Variants in HECW1 observed in about 807,000 individuals in gnomAD.
The protein encoded by HECW1 is E3 ubiquitin-protein ligase HECW1.
In HECW1, 61 loss-of-function variants were observed where a neutral mutation model predicts 182.3. That is an observed-to-expected ratio of 0.33 (90% CI 0.27 to 0.41). HECW1 has a LOEUF of 0.41. HECW1 is among the 10% of genes least tolerant of loss of function. HECW1 has a pLI of 1.00. For synonymous variants in HECW1, 859 were observed against 832.6 expected, an observed-to-expected ratio of 1.03 and a Z score of -0.55; for missense variants, 1,739 against 2,108.9, an observed-to-expected ratio of 0.82 and a Z score of 3.44.
At chr7:43,376,279 G>A (rs573928686) in intron 6 of HECW1, among the ~76,000 whole-genome samples, 26 of 152,122 alleles carry the variant, frequency 1.7e-4, no homozygotes, top group African/African-American at 4.8e-4. Context: ...AAATGTCACC[G>A]TAATAATCTC....
chr7:43,372,615 T>G (rs2074157548), intron 6 of HECW1, among the ~76,000 whole-genome samples: 1 of 152,174 alleles, frequency 6.6e-6, no homozygotes, highest in Admixed American at 6.5e-5. Flanking sequence ...AGTGGGATTG[T>G]GGCTTTTTGT....
chr7:43,528,265 T>C (rs1242026637), intron 24 of HECW1, among the ~76,000 whole-genome samples: 3 of 152,180 alleles, frequency 2.0e-5, no homozygotes, highest in Non-Finnish European at 2.9e-5. Context: ...TAGAGGTCAA[T>C]GAAAGCATCT....
At chr7:43,141,177 C>T (rs1788113155) in intron 2 of HECW1, among the ~76,000 whole-genome samples, 1 of 152,182 alleles carries the variant, frequency 6.6e-6, no homozygotes. Flanking sequence ...ACTACCCACT[C>T]CTGACTGAAA....
chr7:43,408,845 A>G (rs1466293371), intron 8 of HECW1, among the ~76,000 whole-genome samples: 2 of 152,198 alleles, frequency 1.3e-5, no homozygotes, highest in Non-Finnish European at 2.9e-5. Flanking sequence ...GTACAGTTTT[A>G]CAGTCATAGA....
intron 3 of HECW1, among the ~76,000 whole-genome samples, chr7:43,311,454 G>T (rs930746877): frequency 2.6e-5 from 4 of 152,158 alleles, no homozygotes; most frequent in Non-Finnish European, 5.9e-5. Flanking sequence ...ACACCTTCAG[G>T]GTCATTCTGC....
At chr7:43,227,291 T>G (rs1476352430) in intron 2 of HECW1, among the ~76,000 whole-genome samples, 2 of 152,174 alleles carry the variant, frequency 1.3e-5, no homozygotes, top group Non-Finnish European at 1.5e-5. Context: ...ATGGTCATTT[T>G]TTTTTAGGGG....
intron 5 of HECW1, among the ~76,000 whole-genome samples, chr7:43,321,576 C>A (rs982759610): frequency 6.6e-6 from 1 of 152,166 alleles, no homozygotes; most frequent in Non-Finnish European, 1.5e-5. Context: ...ATTTCATGGA[C>A]AAACTTCTTC....
intron 8 of HECW1, among the ~76,000 whole-genome samples, chr7:43,415,572 G>T (rs1420128498): frequency 1.3e-5 from 2 of 151,728 alleles, no homozygotes; most frequent in African/African-American, 4.8e-5. Flanking sequence ...CTGAACATTG[G>T]CCTGCCTTGC....
intron 10 of HECW1, among the ~76,000 whole-genome samples, chr7:43,442,954 T>C (rs890327162): frequency 6.6e-6 from 1 of 152,204 alleles, no homozygotes; most frequent in African/African-American, 2.4e-5. Context: ...AATCATCACA[T>C]ACATGAATGA....
chr7:43,494,651 G>A (rs566014538), intron 19 of HECW1, among the ~76,000 whole-genome samples: 7 of 152,132 alleles, frequency 4.6e-5, no homozygotes, highest in African/African-American at 1.7e-4. Flanking sequence ...CTACAGGCAT[G>A]TGCCACCACA....
chr7:43,167,731 AAGTTCT>A lies in HECW1; in HGVS notation c.-32+53346_-32+53351del, dbSNP rs574011480. On this transcript the variant is annotated intron_variant, in intron 2 of 29. Coordinates refer to ENST00000395891, the MANE Select transcript of HECW1 (RefSeq NM_015052.5). ...ACCCATGTAGGTATCTTCTAGCATTAAGTTCTAGTTCAAGTACCACCCTCTCTCCTG... is the reference window on the plus strand; with the variant it reads ...ACCCATGTAGGTATCTTCTAGCATTAAGTTCAAGTACCACCCTCTCTCCTG... 1.0e-3 allele frequency among the ~76,000 whole-genome samples: 156 copies of A among 152,344 alleles called. 1 individual carries two copies. Among genetic ancestry groups the A allele is most frequent in the African/African-American group, 3.6e-3 (149 of 41,578 alleles).
At chr7:43,339,869 C>A (rs1248258217) in intron 5 of HECW1, among the ~76,000 whole-genome samples, 2 of 152,086 alleles carry the variant, frequency 1.3e-5, no homozygotes, top group Non-Finnish European at 2.9e-5. Flanking sequence ...CTCCTCAATA[C>A]CAAGAGATGG....
chr7:43,163,967 G>A (rs1256572767), intron 2 of HECW1, among the ~76,000 whole-genome samples: 1 of 152,196 alleles, frequency 6.6e-6, no homozygotes, highest in Non-Finnish European at 1.5e-5. Flanking sequence ...AGAAAAAACT[G>A]GGCCTTGGGT....
At chr7:43,485,302 G>A (rs1656982989) in intron 17 of HECW1, among the ~76,000 whole-genome samples, 1 of 152,202 alleles carries the variant, frequency 6.6e-6, no homozygotes, top group Non-Finnish European at 1.5e-5. Context: ...TTTGGGGAGA[G>A]TAATTGCTGC....
At chr7:43,459,089 C>G (rs939515778) in intron 13 of HECW1, among the ~76,000 whole-genome samples, 1 of 152,126 alleles carries the variant, frequency 6.6e-6, no homozygotes, top group African/African-American at 2.4e-5. Context: ...ATGCCTCCCA[C>G]CTGCCTCCCA....
intron 24 of HECW1, among the ~76,000 whole-genome samples, chr7:43,531,748 C>T (rs752307973): frequency 4.6e-5 from 7 of 152,196 alleles, no homozygotes; most frequent in Non-Finnish European, 1.0e-4. Flanking sequence ...TCGGCCTCTG[C>T]CTCCTTCCTG....
In HECW1 at chr7:43,562,490, C is replaced by A. The variant is rs1273207988; in HGVS notation, c.*564C>A. On this transcript the variant is annotated 3_prime_UTR_variant, in exon 30 of 30. Coordinates refer to ENST00000395891, the MANE Select transcript of HECW1 (RefSeq NM_015052.5). Reference sequence around the variant, plus strand: ...GGCAAAGCTGAAATTTTTATACATTCAACTCATGATTCACATGTGGCATCA... The same window carrying A: ...GGCAAAGCTGAAATTTTTATACATTAAACTCATGATTCACATGTGGCATCA... 3 of 227,980 alleles carry A rather than the reference C, an allele frequency of 1.3e-5. No individual in the cohort carries two copies. The highest frequency in any genetic ancestry group is 6.7e-5 in the African/African-American group (3 of 45,014). The allele number at this position is 227,980 out of a possible 1,614,324, so 14.1% of individuals were successfully genotyped here.
At chr7:43,509,933 C>G (rs2079779975) in intron 24 of HECW1, 1 of 152,266 alleles carries the variant, frequency 6.6e-6, no homozygotes, top group South Asian at 2.1e-4. Flanking sequence ...GCCTTAGAAC[C>G]CAAGTTCCTA....
intron 5 of HECW1, 135 bp downstream of exon 5, chr7:43,320,877 T>A (rs1810026091): frequency 2.9e-6 from 2 of 698,218 alleles, no homozygotes; most frequent in African/African-American, 1.8e-5. Context: ...TTTAAAGAGA[T>A]CCTTAAAAAG....
Sources: allele counts gnomAD v4.1 joint callset (sites outside exome capture counted in the v4.1 genomes callset), GRCh38; gene constraint gnomAD v4.1.1; transcripts MANE v1.5; gene names NCBI Gene and HGNC (gene_info 2026-07-23, HGNC 2026-07-21).